Variants in ARHGAP10 observed in about 807,000 individuals in gnomAD.
ARHGAP10 encodes the protein Rho GTPase activating protein 10.
A neutral mutation model predicts 108.6 loss-of-function variants in ARHGAP10; 87 were observed. That is an observed-to-expected ratio of 0.80 (90% CI 0.67 to 0.96). The LOEUF (loss-of-function observed/expected upper bound fraction) is 0.96, where lower values mean the gene tolerates loss of function less well. Among genes scored for constraint, ARHGAP10 ranks in the 40% least tolerant of loss-of-function variants. The probability of loss-of-function intolerance (pLI) is 0.00; values close to 1 mark genes in which losing one functional copy is unlikely to be tolerated. For missense variants in ARHGAP10, 939 were observed against 954.5 expected, an observed-to-expected ratio of 0.98 and a Z score of 0.21; for synonymous variants, 347 against 341.1, an observed-to-expected ratio of 1.02 and a Z score of -0.19.
chr4:147,757,943 G>A (rs1409070864), intron 1 of ARHGAP10, among the ~76,000 whole-genome samples: 1 of 152,186 alleles, frequency 6.6e-6, no homozygotes, highest in African/African-American at 2.4e-5. Flanking sequence ...AGAGGGGCAG[G>A]CACCATACAA....
At chr4:147,891,911 T>C (rs1300005338) in intron 10 of ARHGAP10, among the ~76,000 whole-genome samples, 2 of 152,224 alleles carry the variant, frequency 1.3e-5, no homozygotes, top group Non-Finnish European at 2.9e-5. Flanking sequence ...TATAACATGC[T>C]GTTAGCTTCG....
At chr4:148,055,058 C>A (rs556099321) in intron 20 of ARHGAP10, among the ~76,000 whole-genome samples, 8 of 152,276 alleles carry the variant, frequency 5.3e-5, no homozygotes, top group African/African-American at 1.7e-4. Context: ...TAAAGTTCAG[C>A]CCTCTTACCT....
At chr4:147,874,998 G>A (rs749700146) in intron 7 of ARHGAP10, 23 bp from the exon 8 acceptor site, 2 of 1,554,466 alleles carry the variant, frequency 1.3e-6, no homozygotes, top group South Asian at 1.2e-5. Flanking sequence ...TAACATTTAT[G>A]TGTGTTTTTT....
At chr4:147,841,926 A>T (rs1355638314) in intron 3 of ARHGAP10, among the ~76,000 whole-genome samples, 15 of 152,140 alleles carry the variant, frequency 9.9e-5, no homozygotes, top group Admixed American at 9.8e-4. Context: ...AGAAACCCTT[A>T]TATTCTTCCT....
chr4:147,946,706 TA>T lies in ARHGAP10; in HGVS notation c.1391+4del. 6.3e-7 allele frequency: 1 copy of T among 1,594,486 alleles called. No individual in the cohort carries two copies. Among genetic ancestry groups the T allele is most frequent in the South Asian group, 1.2e-5 (1 of 86,342 alleles). On this transcript the variant is annotated splice_donor_region_variant and intron_variant, in intron 15 of 22. Coordinates refer to ENST00000336498, the MANE Select transcript of ARHGAP10 (RefSeq NM_024605.4). The stretch of plus-strand genomic sequence containing the variant: ...AAGTGCCTTGAAACAGTATTTGAGG[TA>T]AGCTCCTCTCAGTAGCAAGAAAGAA...
chr4:147,756,860 A>G (rs902865023), intron 1 of ARHGAP10, among the ~76,000 whole-genome samples: 2 of 152,090 alleles, frequency 1.3e-5, no homozygotes, highest in African/African-American at 4.8e-5. Context: ...TTATGGGAAT[A>G]CAACACAGAA....
intron 4 of ARHGAP10, among the ~76,000 whole-genome samples, chr4:147,856,594 G>C (rs1035672906): frequency 1.3e-5 from 2 of 152,028 alleles, no homozygotes; most frequent in Non-Finnish European, 2.9e-5. Flanking sequence ...TTACCTTTAG[G>C]CTATGTGTGA....
chr4:147,783,803 AT>A (rs779052190), intron 1 of ARHGAP10, among the ~76,000 whole-genome samples: 87 of 40,274 alleles, frequency 2.2e-3, no homozygotes, highest in Non-Finnish European at 0.018. Context: ...TATGTATTAT[AT>A]TTATATAACA....
intron 14 of ARHGAP10, among the ~76,000 whole-genome samples, chr4:147,942,406 G>A (rs1257183771): frequency 6.6e-6 from 1 of 152,096 alleles, no homozygotes; most frequent in African/African-American, 2.4e-5. Flanking sequence ...TGTATTGTTT[G>A]TTAAAGTGTT....
chr4:147,785,346 C>T (rs559066546), intron 1 of ARHGAP10, among the ~76,000 whole-genome samples: 4 of 151,942 alleles, frequency 2.6e-5, no homozygotes, highest in African/African-American at 7.3e-5. Context: ...TCTCTGGTCC[C>T]GGATTTGACA....
chr4:147,763,531 C>T (rs1011094921), intron 1 of ARHGAP10, among the ~76,000 whole-genome samples: 7 of 151,866 alleles, frequency 4.6e-5, no homozygotes, highest in African/African-American at 1.2e-4. Flanking sequence ...AGGATGGTCT[C>T]GATCTCCTGA....
intron 18 of ARHGAP10, among the ~76,000 whole-genome samples, chr4:147,969,143 G>A (rs991457982): frequency 1.3e-5 from 2 of 152,238 alleles, no homozygotes; most frequent in East Asian, 3.9e-4. Context: ...AGTCCCTTTG[G>A]GGAAGGCATA....
intron 10 of ARHGAP10, among the ~76,000 whole-genome samples, chr4:147,895,293 C>T (rs946239548): frequency 6.6e-6 from 1 of 151,964 alleles, no homozygotes; most frequent in Non-Finnish European, 1.5e-5. Flanking sequence ...TTGTATCTTA[C>T]AATATTGCTA....
chr4:148,058,086 C>T (rs944032538), intron 20 of ARHGAP10, among the ~76,000 whole-genome samples: 6 of 152,182 alleles, frequency 3.9e-5, no homozygotes, highest in Non-Finnish European at 8.8e-5. Context: ...GAATAACTGG[C>T]ATTTATTTGA....
chr4:147,959,734 G>C (rs570870416), intron 16 of ARHGAP10, among the ~76,000 whole-genome samples: 26 of 152,192 alleles, frequency 1.7e-4, no homozygotes, highest in Admixed American at 5.2e-4. Context: ...TTCATGGTGT[G>C]TATGTGCCAC....
intron 1 of ARHGAP10, among the ~76,000 whole-genome samples, chr4:147,792,512 G>A (rs113834856): frequency 4.7e-4 from 72 of 152,092 alleles, no homozygotes; most frequent in African/African-American, 1.6e-3. Context: ...GAACACCTAC[G>A]AGCTCATCAG....
intron 18 of ARHGAP10, among the ~76,000 whole-genome samples, chr4:147,972,266 G>A (rs1264912029): frequency 6.6e-6 from 1 of 152,102 alleles, no homozygotes; most frequent in East Asian, 1.9e-4. Context: ...ACTATAAAGG[G>A]TATTAATGTA....
chr4:147,791,371 C>T (rs377192088), intron 1 of ARHGAP10, among the ~76,000 whole-genome samples: 2 of 151,968 alleles, frequency 1.3e-5, no homozygotes, highest in Non-Finnish European at 2.9e-5. Context: ...CTCAGCCTCC[C>T]GAAGTGCTGA....
intron 8 of ARHGAP10, among the ~76,000 whole-genome samples, chr4:147,876,828 A>T (rs1281926100): frequency 6.6e-6 from 1 of 152,160 alleles, no homozygotes; most frequent in Admixed American, 6.5e-5. Context: ...TGTCTCATTT[A>T]TCCATAAAAC....
Sources: allele counts gnomAD v4.1 joint callset (sites outside exome capture counted in the v4.1 genomes callset), GRCh38; gene constraint gnomAD v4.1.1; transcripts MANE v1.5; gene names NCBI Gene and HGNC (gene_info 2026-07-23, HGNC 2026-07-21).